Variants in CACNA2D1 observed in about 807,000 individuals in gnomAD.
The protein encoded by CACNA2D1 is calcium voltage-gated channel auxiliary subunit alpha2delta 1, also known as voltage-dependent calcium channel subunit alpha-2/delta-1.
Under a neutral mutation model 171.5 loss-of-function variants are expected in CACNA2D1, and 53 were observed. That is an observed-to-expected ratio of 0.31 (90% confidence interval 0.25 to 0.39). The LOEUF is 0.39. Among genes scored for constraint, CACNA2D1 ranks in the 10% least tolerant of loss-of-function variants. The pLI is 1.00. For synonymous variants in CACNA2D1, 442 were observed against 443.1 expected (o/e 1.00, Z 0.03); for missense variants, 903 against 1,299.8 (o/e 0.69, Z 4.69).
chr7:82,113,536 T>A (rs991640479), intron 6 of CACNA2D1, among the ~76,000 whole-genome samples: 1 of 152,122 alleles, frequency 6.6e-6, no homozygotes, highest in African/African-American at 2.4e-5. Flanking sequence ...TGAGCAGAAA[T>A]AATCACATTT....
chr7:82,236,974 C>T lies in CACNA2D1; in HGVS notation c.295-66365G>A, dbSNP rs547416333. On this transcript the variant is annotated intron_variant, in intron 3 of 38. Transcript: ENST00000356860. ...CCTCAACCATGGTTAAATCCATTTA[C>T]ATTTCTAACTCAGTATTTTAATCCA... Among the ~76,000 whole-genome samples, 10 of 152,022 alleles carry T rather than the reference C, an allele frequency of 6.6e-5. No individual in the cohort carries two copies. The South Asian group carries it at 1.7e-3, about 25-fold the overall frequency.
intron 3 of CACNA2D1, among the ~76,000 whole-genome samples, chr7:82,328,886 T>C (rs42053): frequency 0.71 from 107,717 of 151,952 alleles, 38,365 homozygotes; most frequent in East Asian, 0.8. Flanking sequence ...CAAAAGTAAA[T>C]CAATGACCCC....
At chr7:82,012,934 C>T (rs1269056478) in intron 14 of CACNA2D1, among the ~76,000 whole-genome samples, 1 of 151,974 alleles carries the variant, frequency 6.6e-6, no homozygotes, top group African/African-American at 2.4e-5. Flanking sequence ...CTACATTCTA[C>T]AAAAAGTTAT....
At position 82,092,843 on chromosome 7, in the gene CACNA2D1, A is replaced by G. The variant is rs189831642; in HGVS notation, c.527-7943T>C. ...AAATGAAAACAACAAGAAATACCCT[A>G]AAGATCTTTCATTTAGACCTTAAAA... On this transcript the variant is annotated intron_variant, in intron 6 of 38. Coordinates refer to ENST00000356860, the MANE Select transcript of CACNA2D1 (RefSeq NM_000722.4). Among the ~76,000 whole-genome samples, 585 of 152,240 alleles carry G rather than the reference A, an allele frequency of 3.8e-3. 4 individuals carry two copies. The highest frequency in any genetic ancestry group is 0.014 in the African/African-American group (568 of 41,544).
chr7:81,959,833 C>A lies in CACNA2D1; in HGVS notation c.2967-4G>T. 1 of 1,610,766 alleles carries A rather than the reference C, an allele frequency of 6.2e-7. No homozygotes were observed. The highest frequency in any genetic ancestry group is 8.5e-7 in the Non-Finnish European group (1 of 1,178,164). ...AAGCTTTTCTCCATGAAAGATTCTG[C>A]AAAATAAATATGGTATCATAGAAAA... On this transcript the variant is annotated splice_region_variant and splice_polypyrimidine_tract_variant and intron_variant, in intron 36 of 38. Coordinates refer to ENST00000356860, the MANE Select transcript of CACNA2D1 (RefSeq NM_000722.4).
At chr7:82,376,757 AT>A (rs1210127346) in intron 1 of CACNA2D1, among the ~76,000 whole-genome samples, 2 of 152,204 alleles carry the variant, frequency 1.3e-5, no homozygotes, top group African/African-American at 4.8e-5. Context: ...TGTGAACAGC[AT>A]TTCAGCTCAC....
At position 82,366,434 on chromosome 7, in the gene CACNA2D1, C is replaced by T. The variant is rs115369661; in HGVS notation, c.96-16785G>A. ...ATTTCAATCTTTATAACCATGTGCA[C>T]CCAATGTTCACCTCCCACTTATATC... On this transcript the variant is annotated intron_variant, in intron 1 of 38. Coordinates refer to ENST00000356860, the MANE Select transcript of CACNA2D1 (RefSeq NM_000722.4). 5.3e-3 allele frequency among the ~76,000 whole-genome samples: 806 copies of T among 152,252 alleles called. 1 individual carries two copies. The highest frequency in any genetic ancestry group is 0.018 in the African/African-American group (750 of 41,548).
At chr7:82,060,235 A>ATATATATATT (rs1806674557) in intron 10 of CACNA2D1, among the ~76,000 whole-genome samples, 193 bp downstream of exon 10, 1 of 44,812 alleles carries the variant, frequency 2.2e-5, no homozygotes, top group Admixed American at 4.0e-4. Flanking sequence ...ATATATATAT[A>ATATATATATT]ATATGTATAA....
intron 11 of CACNA2D1, among the ~76,000 whole-genome samples, chr7:82,033,369 T>C (rs1276677619): frequency 6.6e-6 from 1 of 152,102 alleles, no homozygotes; most frequent in African/African-American, 2.4e-5. Flanking sequence ...TAGCACATAA[T>C]AAAATCTCAG....
intron 3 of CACNA2D1, among the ~76,000 whole-genome samples, chr7:82,273,151 A>C (rs1183594362): frequency 1.3e-5 from 2 of 152,174 alleles, no homozygotes; most frequent in African/African-American, 4.8e-5. Context: ...AATAATATCC[A>C]ATATTGAAGA....
At chr7:82,172,703 G>A (rs1229874113) in intron 3 of CACNA2D1, among the ~76,000 whole-genome samples, 2 of 133,208 alleles carry the variant, frequency 1.5e-5, no homozygotes, top group Admixed American at 8.7e-5. Flanking sequence ...CTCCCAAAGT[G>A]CTGGTATTAC....
intron 6 of CACNA2D1, 70 bp downstream of exon 6, chr7:82,116,974 C>T (rs1789124150): frequency 6.4e-7 from 1 of 1,553,430 alleles, no homozygotes; most frequent in East Asian, 2.2e-5. Flanking sequence ...TTTTTTCCCC[C>T]TCAAACATGG....
intron 3 of CACNA2D1, among the ~76,000 whole-genome samples, chr7:82,261,872 C>T (rs1807148563): frequency 6.6e-6 from 1 of 152,166 alleles, no homozygotes; most frequent in Admixed American, 6.5e-5. Context: ...AGCTGACAAG[C>T]CTGTCCTTTC....
At chr7:81,959,507 A>G in intron 37 of CACNA2D1, 150 bp from the exon 38 acceptor site, 1 of 789,468 alleles carries the variant, frequency 1.3e-6, no homozygotes, top group Non-Finnish European at 2.2e-6. Context: ...AGGGATTTAA[A>G]GAACTAAATT....
chr7:82,202,890 A>G (rs1799610435), intron 3 of CACNA2D1, among the ~76,000 whole-genome samples: 1 of 152,150 alleles, frequency 6.6e-6, no homozygotes, highest in African/African-American at 2.4e-5. Flanking sequence ...ACACGCTGAC[A>G]GATGTGGATA....
chr7:82,379,668 C>T (rs1345316189), intron 1 of CACNA2D1, among the ~76,000 whole-genome samples: 2 of 152,106 alleles, frequency 1.3e-5, no homozygotes, highest in African/African-American at 4.8e-5. Flanking sequence ...CACTCACTAA[C>T]TTTTTAAAAA....
At chr7:82,170,427 T>A (rs1795893187) in intron 4 of CACNA2D1, 123 bp downstream of exon 4, 2 of 877,578 alleles carry the variant, frequency 2.3e-6, no homozygotes, top group Non-Finnish European at 3.8e-6. Context: ...GCAACAAGTA[T>A]GATTATTTTT....
At chr7:82,175,505 A>T (rs1002446677) in intron 3 of CACNA2D1, among the ~76,000 whole-genome samples, 1 of 152,042 alleles carries the variant, frequency 6.6e-6, no homozygotes, top group Admixed American at 6.6e-5. Context: ...TACTATCTTC[A>T]TCAAACGGTT....
At position 82,051,093 on chromosome 7, in the gene CACNA2D1, T is replaced by C. The variant is rs549864051; in HGVS notation, c.879+9335A>G. The stretch of plus-strand genomic sequence containing the variant: ...TTTACTTGATATAAACCAACATATA[T>C]TGGCTCCTTGAACCGCATACTGTGG... On this transcript the variant is annotated intron_variant, in intron 10 of 38. Coordinates refer to ENST00000356860, the MANE Select transcript of CACNA2D1 (RefSeq NM_000722.4). The C allele has an allele frequency of 1.1e-3, 170 of 161,674 alleles. 1 individual carries two copies. The highest frequency in any genetic ancestry group is 3.2e-3 in the African/African-American group (135 of 41,696). The allele number at this position is 161,674 out of a possible 1,614,324, so 10.0% of individuals were successfully genotyped here. A position where few individuals can be genotyped will look rare whatever the true frequency, so the allele number is the denominator to read the frequency against.
Sources: gnomAD v4.1 joint callset for allele counts (sites outside exome capture counted in the v4.1 genomes callset) on GRCh38, gnomAD v4.1.1 for gene constraint, MANE v1.5 for transcripts, NCBI Gene and HGNC (gene_info 2026-07-23, HGNC 2026-07-21) for gene names.